The following REEP3 variants were observed in gnomAD, a reference collection of about 807,000 sequenced individuals.
REEP3 encodes the protein receptor accessory protein 3.
Under a neutral mutation model 41.3 loss-of-function variants are expected in REEP3, and 20 were observed. The ratio of observed to expected loss-of-function variants is 0.48; its 90% CI spans 0.34 to 0.70. The LOEUF is 0.70. REEP3 is among the 30% of genes least tolerant of loss of function. The pLI is 0.01. For synonymous variants in REEP3, 104 were observed against 101.8 expected (o/e 1.02, Z -0.13); for missense variants, 271 against 308.8 (o/e 0.88, Z 0.92).
At chr10:63,564,419 T>C (rs1392778094) in intron 1 of REEP3, among the ~76,000 whole-genome samples, 1 of 151,998 alleles carries the variant, frequency 6.6e-6, no homozygotes, top group East Asian at 1.9e-4. Context: ...GGTCAGGAGT[T>C]CGAGACCAGC....
chr10:63,553,409 G>A (rs1210734529), intron 1 of REEP3, among the ~76,000 whole-genome samples: 1 of 152,138 alleles, frequency 6.6e-6, no homozygotes, highest in Non-Finnish European at 1.5e-5. Flanking sequence ...AAAACACAGT[G>A]CCTTGACATG....
chr10:63,561,680 T>A (rs1955741047), intron 1 of REEP3, among the ~76,000 whole-genome samples: 1 of 152,220 alleles, frequency 6.6e-6, no homozygotes, highest in African/African-American at 2.4e-5. Flanking sequence ...AGCTATTCAG[T>A]AAGTCCGATG....
chr10:63,589,049 A>G (rs1435769374), intron 2 of REEP3, among the ~76,000 whole-genome samples: 1 of 152,172 alleles, frequency 6.6e-6, no homozygotes, highest in African/African-American at 2.4e-5. Context: ...CCACGTAGAT[A>G]CACAGGGCTT....
At chr10:63,596,871 G>A (rs1437707647) in intron 3 of REEP3, among the ~76,000 whole-genome samples, 20 of 152,066 alleles carry the variant, frequency 1.3e-4, no homozygotes, top group Admixed American at 1.3e-3. Context: ...TTGAACTCCT[G>A]GGCTGAAGCA....
chr10:63,583,663 C>T (rs1248025090), intron 2 of REEP3, among the ~76,000 whole-genome samples: 1 of 152,136 alleles, frequency 6.6e-6, no homozygotes, highest in Non-Finnish European at 1.5e-5. Flanking sequence ...GGTATGGGAA[C>T]TAAGATAACC....
intron 1 of REEP3, among the ~76,000 whole-genome samples, chr10:63,544,432 G>A (rs1273697479): frequency 1.3e-5 from 2 of 152,208 alleles, no homozygotes; most frequent in Non-Finnish European, 2.9e-5. Flanking sequence ...TGGGACATGG[G>A]AACAGATATG....
chr10:63,561,419 G>A (rs1195415912), intron 1 of REEP3, among the ~76,000 whole-genome samples: 2 of 152,154 alleles, frequency 1.3e-5, no homozygotes, highest in African/African-American at 4.8e-5. Flanking sequence ...AAGATAGGGA[G>A]GGAGGCAATC....
At chr10:63,567,969 A>G (rs1955815660) in intron 2 of REEP3, among the ~76,000 whole-genome samples, 1 of 152,192 alleles carries the variant, frequency 6.6e-6, no homozygotes, top group Non-Finnish European at 1.5e-5. Flanking sequence ...AATAAGTTAC[A>G]TAGTTGGGCT....
intron 1 of REEP3, among the ~76,000 whole-genome samples, chr10:63,522,859 A>G (rs1332845319): frequency 6.6e-6 from 1 of 152,202 alleles, no homozygotes; most frequent in Non-Finnish European, 1.5e-5. Context: ...ACAAAAGGAT[A>G]CCACAGATGC....
chr10:63,584,429 T>TAAAA (rs1265296575), intron 2 of REEP3, among the ~76,000 whole-genome samples: 935 of 22,740 alleles, frequency 0.041, 3 homozygotes, highest in Non-Finnish European at 0.064. Context: ...CCCCATCTTT[T>TAAAA]TAAAAAAAAA....
chr10:63,595,063 G>A (rs189264155), intron 3 of REEP3, among the ~76,000 whole-genome samples: 5 of 152,054 alleles, frequency 3.3e-5, no homozygotes, highest in East Asian at 3.9e-4. Flanking sequence ...CCCATACGCC[G>A]CTCCCTGCTC....
At chr10:63,569,288 C>A (rs536753997) in intron 2 of REEP3, among the ~76,000 whole-genome samples, 1 of 152,148 alleles carries the variant, frequency 6.6e-6, no homozygotes, top group African/African-American at 2.4e-5. Flanking sequence ...TAAATTAGAT[C>A]TTTTTTTGAG....
chr10:63,565,475 T>C (rs1955789799), intron 1 of REEP3, among the ~76,000 whole-genome samples: 1 of 152,228 alleles, frequency 6.6e-6, no homozygotes, highest in South Asian at 2.1e-4. Context: ...CTATTCGTGA[T>C]TTAAAGTCAA....
chr10:63,552,722 A>T (rs1026551156), intron 1 of REEP3, among the ~76,000 whole-genome samples: 1 of 152,198 alleles, frequency 6.6e-6, no homozygotes, highest in African/African-American at 2.4e-5. Flanking sequence ...GGTGGAGATT[A>T]TACCATTTCT....
intron 3 of REEP3, among the ~76,000 whole-genome samples, chr10:63,597,032 G>C (rs1956121776): frequency 6.6e-6 from 1 of 152,142 alleles, no homozygotes; most frequent in Non-Finnish European, 1.5e-5. Flanking sequence ...ATGGAGTGAG[G>C]GAGTCGAAGG....
intron 1 of REEP3, among the ~76,000 whole-genome samples, chr10:63,545,154 T>C (rs1208728589): frequency 6.6e-6 from 1 of 152,230 alleles, no homozygotes; most frequent in African/African-American, 2.4e-5. Flanking sequence ...TATGGGTACT[T>C]GTTTCTTTGT....
chr10:63,613,362 G>C (rs1956290109), intron 6 of REEP3, among the ~76,000 whole-genome samples: 1 of 152,094 alleles, frequency 6.6e-6, no homozygotes, highest in South Asian at 2.1e-4. Context: ...TTGACCTGCT[G>C]TTTAGTTCTT....
At chr10:63,619,905 G>C in intron 7 of REEP3, 105 bp downstream of exon 7, 1 of 433,080 alleles carries the variant, frequency 2.3e-6, no homozygotes, top group Non-Finnish European at 3.8e-6. Context: ...TGGAATGGTA[G>C]AACAGCAGTT....
chr10:63,522,376 G>T (rs1955285896), intron 1 of REEP3, among the ~76,000 whole-genome samples: 1 of 152,136 alleles, frequency 6.6e-6, no homozygotes, highest in South Asian at 2.1e-4. Flanking sequence ...AGGTCTGTAA[G>T]AAAAAGAAAT....
Sources: gnomAD v4.1 joint callset for allele counts (sites outside exome capture counted in the v4.1 genomes callset) on GRCh38, gnomAD v4.1.1 for gene constraint, MANE v1.5 for transcripts, NCBI Gene and HGNC (gene_info 2026-07-23, HGNC 2026-07-21) for gene names.